Variants in ARHGAP25 observed in about 807,000 individuals in gnomAD.
ARHGAP25 encodes Rho GTPase activating protein 25, also known as rho GTPase-activating protein 25.
In ARHGAP25, 34 loss-of-function variants were observed where a neutral mutation model predicts 71.0. The observed-to-expected ratio is 0.48, with a 90% CI of 0.36 to 0.64. The LOEUF (loss-of-function observed/expected upper bound fraction) is 0.64, where lower values mean the gene tolerates loss of function less well. Among genes scored for constraint, ARHGAP25 ranks in the 30% least tolerant of loss-of-function variants. The pLI is 0.00. For synonymous variants in ARHGAP25, 282 were observed against 296.5 expected, an observed-to-expected ratio of 0.95 and a Z score of 0.50; for missense variants, 706 against 805.1, an observed-to-expected ratio of 0.88 and a Z score of 1.49.
At chr2:68,755,292 C>G (rs191144594) in intron 1 of ARHGAP25, among the ~76,000 whole-genome samples, 2 of 152,288 alleles carry the variant, frequency 1.3e-5, no homozygotes, top group East Asian at 3.9e-4. Context: ...TCTGAACTCT[C>G]AACCCTCCTT....
At chr2:68,819,091 T>A in intron 8 of ARHGAP25, 32 bp from the exon 9 acceptor site, 6 of 1,518,346 alleles carry the variant, frequency 4.0e-6, no homozygotes, top group Non-Finnish European at 4.4e-6. Context: ...CCTCCTACAC[T>A]ACACAACAGA....
At chr2:68,810,894 A>G (rs544061394) in intron 5 of ARHGAP25, among the ~76,000 whole-genome samples, 1 of 152,080 alleles carries the variant, frequency 6.6e-6, no homozygotes, top group African/African-American at 2.4e-5. Context: ...GGCACCTGCC[A>G]CCACGCCCAG....
intron 9 of ARHGAP25, among the ~76,000 whole-genome samples, chr2:68,821,802 A>G (rs537209568): frequency 6.6e-6 from 1 of 152,030 alleles, no homozygotes; most frequent in African/African-American, 2.4e-5. Context: ...TCCTTTGCCC[A>G]TAATTACATT....
intron 1 of ARHGAP25, among the ~76,000 whole-genome samples, chr2:68,770,041 A>G (rs1485067398): frequency 1.3e-5 from 2 of 152,230 alleles, no homozygotes; most frequent in East Asian, 1.9e-4. Context: ...CAATGCTGTC[A>G]GTGCTGAATA....
At position 68,826,494 on chromosome 2, in the gene ARHGAP25, A is replaced by C. The variant is rs1682148070; in HGVS notation, c.*300A>C. 4.2e-6 allele frequency: 2 copies of C among 475,270 alleles called. No individual in the cohort carries two copies. The highest frequency in any genetic ancestry group is 6.1e-5 in the Admixed American group (2 of 32,674). 29.4% of individuals were successfully genotyped at this position (475,270 alleles called of 1,614,324 possible). On this transcript the variant is annotated 3_prime_UTR_variant, in exon 11 of 11. Transcript: ENST00000409202. ...TTTGAGGCAGCACATCTCAGGACCC[A>C]GGCAATAGACTGGCCCCAACTCAGG...
At position 68,792,145 on chromosome 2, in the gene ARHGAP25, T is replaced by A. The variant is rs147203584; in HGVS notation, c.466+4189T>A. 6.3e-3 allele frequency among the ~76,000 whole-genome samples: 959 copies of A among 152,318 alleles called. 4 individuals are homozygous for A. The highest frequency in any genetic ancestry group is 0.044 in the Middle Eastern group (13 of 294). On this transcript the variant is annotated intron_variant, in intron 4 of 10. Transcript: ENST00000409202. ...TGCTTTTGTCCTCTTCCTCCAGAGA[T>A]GAGCCATCTGAAGTTTTGCTCAGGC...
At chr2:68,798,775 G>A (rs2104424480) in intron 4 of ARHGAP25, among the ~76,000 whole-genome samples, 1 of 152,336 alleles carries the variant, frequency 6.6e-6, no homozygotes, top group South Asian at 2.1e-4. Flanking sequence ...AAGCAGAATG[G>A]TGTCTTAGTC....
chr2:68,758,004 A>G (rs964247997), intron 1 of ARHGAP25, among the ~76,000 whole-genome samples: 2 of 152,050 alleles, frequency 1.3e-5, no homozygotes, highest in African/African-American at 4.8e-5. Flanking sequence ...GAGTATTTGT[A>G]TGTTATTAAA....
chr2:68,723,319 C>A (rs895234896), intron 2 of ARHGAP25, among the ~76,000 whole-genome samples: 39 of 152,302 alleles, frequency 2.6e-4, no homozygotes, highest in Admixed American at 2.0e-3. Flanking sequence ...GGGCAGGGAG[C>A]CTATAAAGTT....
chr2:68,793,562 T>C (rs1679338459), intron 4 of ARHGAP25, among the ~76,000 whole-genome samples: 1 of 152,192 alleles, frequency 6.6e-6, no homozygotes, highest in African/African-American at 2.4e-5. Context: ...TCTTATAGAC[T>C]TTGTCAAAGA....
Position 68,822,407 on chromosome 2 carries a change from G to T in ARHGAP25, c.1268G>T (p.Ser423Ile), listed in dbSNP as rs565639760. 1.2e-6 allele frequency: 2 copies of T among 1,614,106 alleles called. No individual in the cohort carries two copies. The highest frequency in any genetic ancestry group is 1.7e-5 in the Admixed American group (1 of 60,022). The part of the protein sequence containing the change: ...QPSDAFPEDS[S>I]KVPREKPGDW... ...AGCGATGCGTTTCCGGAGGACAGCA[G>T]CAAAGTACCCAGGGAAAAGCCAGGA... Residue 423 changes from serine to isoleucine, a missense_variant, in exon 10 of 11, where the codon AGC becomes ATC. Transcript: ENST00000409202.
intron 1 of ARHGAP25, chr2:68,774,832 C>A: frequency 8.7e-7 from 1 of 1,150,930 alleles, no homozygotes; most frequent in South Asian, 2.1e-5. Flanking sequence ...TTATTTTCTC[C>A]TCTCTCTTGT....
chr2:68,737,990 C>T (rs1442709952), intron 1 of ARHGAP25, among the ~76,000 whole-genome samples: 4 of 152,182 alleles, frequency 2.6e-5, no homozygotes, highest in Non-Finnish European at 5.9e-5. Flanking sequence ...TACCATGAGT[C>T]TGACAGATTT....
intron 5 of ARHGAP25, among the ~76,000 whole-genome samples, chr2:68,807,854 A>G (rs11691917): frequency 0.19 from 28,915 of 152,184 alleles, 2,966 homozygotes; most frequent in East Asian, 0.38. Context: ...ACAAACACTC[A>G]GTGTAGTGGA....
rs1678390954 is a variant in ARHGAP25, at chr2:68,782,222, T to C, written c.262-11T>C. On this transcript the variant is annotated splice_polypyrimidine_tract_variant and intron_variant, in intron 2 of 10. Coordinates refer to ENST00000409202, the MANE Select transcript of ARHGAP25 (RefSeq NM_001007231.3). ...CTGCTTATCCTTAAGGCCTGACTTT[T>C]CATCTTTCAGGGCTGCATGTATCTA... 1 of 1,613,590 alleles carries C rather than the reference T, an allele frequency of 6.2e-7. No individual in the cohort carries two copies. The highest frequency in any genetic ancestry group is 2.2e-5 in the East Asian group (1 of 44,876).
chr2:68,780,605 C>A (rs1158513232), intron 2 of ARHGAP25, among the ~76,000 whole-genome samples: 1 of 151,802 alleles, frequency 6.6e-6, no homozygotes, highest in African/African-American at 2.4e-5. Flanking sequence ...TCCCCTTCCC[C>A]CTTCTCCCCT....
chr2:68,817,823 C>T (rs746835487), intron 7 of ARHGAP25, 50 bp from the exon 8 acceptor site: 8 of 1,606,574 alleles, frequency 5.0e-6, no homozygotes, highest in Non-Finnish European at 6.8e-6. Context: ...GTAGTGCTTC[C>T]TCCTGGCTAC....
chr2:68,762,666 C>T (rs1676897978), intron 1 of ARHGAP25, among the ~76,000 whole-genome samples: 1 of 151,950 alleles, frequency 6.6e-6, no homozygotes, highest in Non-Finnish European at 1.5e-5. Flanking sequence ...CTTAGTTGGT[C>T]CTTCAGTGAC....
chr2:68,751,423 G>A (rs923215702), intron 1 of ARHGAP25, among the ~76,000 whole-genome samples: 11 of 152,320 alleles, frequency 7.2e-5, no homozygotes, highest in Admixed American at 2.6e-4. Context: ...CAACTAAAGA[G>A]CCACGGGCAT....
Sources: gnomAD v4.1 joint callset for allele counts (sites outside exome capture counted in the v4.1 genomes callset) on GRCh38, gnomAD v4.1.1 for gene constraint, MANE v1.5 for transcripts, NCBI Gene and HGNC (gene_info 2026-07-23, HGNC 2026-07-21) for gene names.